The following DIAPH2 variants were observed in gnomAD, a reference collection of about 807,000 sequenced individuals.
The protein encoded by DIAPH2 is protein diaphanous homolog 2.
Under a neutral mutation model 92.7 loss-of-function variants are expected in DIAPH2, and 35 were observed. The ratio of observed to expected loss-of-function variants is 0.38; its 90% CI spans 0.29 to 0.50. The LOEUF is 0.50. DIAPH2 is among the 20% of genes least tolerant of loss of function. The pLI is 0.94. For synonymous variants in DIAPH2, 301 were observed against 280.4 expected (o/e 1.07, Z -0.73); for missense variants, 701 against 819.5 (o/e 0.86, Z 1.77).
chrX:97,364,604 G>T (rs192106217), intron 24 of DIAPH2, among the ~76,000 whole-genome samples: 66 of 111,371 alleles, frequency 5.9e-4, no homozygotes, highest in African/African-American at 2.1e-3. Context: ...GTGCCTTATG[G>T]TATAGTAGGT....
At chrX:97,587,227 AG>A (rs2071484759) in intron 26 of DIAPH2, among the ~76,000 whole-genome samples, 1 of 110,591 alleles carries the variant, frequency 9.0e-6, no homozygotes, top group Non-Finnish European at 1.9e-5. Context: ...AAGTCTACTC[AG>A]GAAACCGAAT....
intron 26 of DIAPH2, among the ~76,000 whole-genome samples, chrX:97,457,018 G>GT (rs1256403389): frequency 5.2e-4 from 58 of 111,076 alleles, no homozygotes; most frequent in African/African-American, 1.8e-3. Flanking sequence ...GTTTTGTTTT[G>GT]TTTTTTTGTT....
At chrX:97,286,410 C>T (rs981049833) in intron 23 of DIAPH2, among the ~76,000 whole-genome samples, 4 of 110,926 alleles carry the variant, frequency 3.6e-5, no homozygotes, top group Non-Finnish European at 7.5e-5. Context: ...TCTAAACTCT[C>T]GGGTTTTAAG....
intron 5 of DIAPH2, among the ~76,000 whole-genome samples, chrX:96,898,638 G>GAC (rs2065366489): frequency 9.3e-6 from 1 of 107,973 alleles, no homozygotes; most frequent in Non-Finnish European, 1.9e-5. Flanking sequence ...CCCTTTGTCA[G>GAC]ACGAGTAGGT....
chrX:97,180,891 T>C (rs1602396852), intron 22 of DIAPH2, among the ~76,000 whole-genome samples: 1 of 111,857 alleles, frequency 8.9e-6, no homozygotes, highest in Non-Finnish European at 1.9e-5. Context: ...AGTACCATGC[T>C]GTTTTGGTTA....
intron 11 of DIAPH2, among the ~76,000 whole-genome samples, chrX:96,938,565 G>A (rs7880422): frequency 0.049 from 5,422 of 111,061 alleles, 352 homozygotes; most frequent in African/African-American, 0.17. Context: ...GACATTTCAG[G>A]TTATTTTAGG....
At chrX:97,063,976 C>G (rs1289811999) in intron 17 of DIAPH2, among the ~76,000 whole-genome samples, 1 of 111,986 alleles carries the variant, frequency 8.9e-6, no homozygotes, top group Non-Finnish European at 1.9e-5. Flanking sequence ...TGAGTTGTTG[C>G]AACAAACATG....
At chrX:96,775,353 TTGTGTGTG>T (rs60441028) in intron 4 of DIAPH2, among the ~76,000 whole-genome samples, 369 of 89,262 alleles carry the variant, frequency 4.1e-3, no homozygotes, top group African/African-American at 0.01. Flanking sequence ...CAACGTGTGC[TTGTGTGTG>T]TGTGTGTGTG....
intron 26 of DIAPH2, among the ~76,000 whole-genome samples, chrX:97,509,990 G>C: frequency 9.0e-6 from 1 of 110,926 alleles, no homozygotes; most frequent in Non-Finnish European, 1.9e-5. Context: ...TGTCTTTATA[G>C]CAGCATGATT....
At position 96,713,019 on chromosome X, in the gene DIAPH2, G is replaced by A. The variant is rs182991829; in HGVS notation, c.133-22739G>A. Among the ~76,000 whole-genome samples the A allele has an allele frequency of 2.6e-3, 284 of 110,734 alleles. 2 individuals are homozygous for A. The highest frequency in any genetic ancestry group is 8.8e-3 in the African/African-American group (269 of 30,491). ...CATGATTTGTCTTGGAATTGGTCTG[G>A]CTATCTACTATGAAGAGTGGTATGG... On this transcript the variant is annotated intron_variant, in intron 1 of 26. Coordinates refer to ENST00000324765, the MANE Select transcript of DIAPH2 (RefSeq NM_006729.5).
chrX:97,000,620 TAC>T (rs56284459), intron 17 of DIAPH2, among the ~76,000 whole-genome samples: 29,517 of 99,460 alleles, frequency 0.3, 4,160 homozygotes, highest in South Asian at 0.42. Context: ...TACAAATGAA[TAC>T]ACACACACAC....
At position 97,473,325 on chromosome X, in the gene DIAPH2, AAATT is replaced by A. The variant is rs1044747796; in HGVS notation, c.3241+43597_3241+43600del. Among the ~76,000 whole-genome samples, 8 of 111,273 alleles carry A rather than the reference AAATT, an allele frequency of 7.2e-5. No homozygotes were observed. The East Asian group carries it at 1.7e-3, about 24-fold the overall frequency. The stretch of plus-strand genomic sequence containing the variant: ...AACCTAAGAATATTTCTTTTTTAAA[AAATT>A]AATTAATTAATTAATTTATTTTTGA... On this transcript the variant is annotated intron_variant, in intron 26 of 26. Transcript: ENST00000324765.
intron 4 of DIAPH2, among the ~76,000 whole-genome samples, chrX:96,780,355 C>G (rs2064407134): frequency 8.9e-6 from 1 of 112,050 alleles, no homozygotes; most frequent in East Asian, 2.8e-4. Flanking sequence ...CAGAAAATGT[C>G]CATTTCAATA....
chrX:96,723,982 G>A (rs777327462), intron 1 of DIAPH2, among the ~76,000 whole-genome samples: 13 of 97,063 alleles, frequency 1.3e-4, no homozygotes, highest in African/African-American at 5.1e-4. Flanking sequence ...GGAGTGCAGT[G>A]GTGCGATCTC....
intron 4 of DIAPH2, 76 bp downstream of exon 4, chrX:96,758,334 C>A: frequency 1.2e-6 from 1 of 869,491 alleles, no homozygotes; most frequent in Non-Finnish European, 1.6e-6. Flanking sequence ...AATAAACAAA[C>A]CTCAGCTCTT....
chrX:97,053,042 C>A (rs991013593), intron 17 of DIAPH2, among the ~76,000 whole-genome samples: 3 of 111,175 alleles, frequency 2.7e-5, no homozygotes, highest in African/African-American at 9.8e-5. Context: ...TCTTTTCAGG[C>A]CCCATGAGAG....
intron 4 of DIAPH2, among the ~76,000 whole-genome samples, chrX:96,760,873 A>T (rs1031715008): frequency 5.4e-5 from 6 of 111,563 alleles, no homozygotes; most frequent in African/African-American, 1.9e-4. Context: ...TCTGTCCATG[A>T]TGAATGAACT....
intron 22 of DIAPH2, among the ~76,000 whole-genome samples, chrX:97,188,059 A>T (rs915691299): frequency 2.7e-5 from 3 of 111,620 alleles, no homozygotes; most frequent in Non-Finnish European, 5.6e-5. Context: ...TGCCAAAAAG[A>T]TAATAGGTAA....
intron 25 of DIAPH2, among the ~76,000 whole-genome samples, chrX:97,427,546 C>T (rs2070080330): frequency 1.8e-5 from 2 of 111,913 alleles, no homozygotes; most frequent in Non-Finnish European, 3.8e-5. Flanking sequence ...ATTTAATTCT[C>T]CCAGGTACAT....
Sources: allele counts gnomAD v4.1 joint callset (sites outside exome capture counted in the v4.1 genomes callset), GRCh38; gene constraint gnomAD v4.1.1; transcripts MANE v1.5; gene names NCBI Gene and HGNC (gene_info 2026-07-23, HGNC 2026-07-21).